KIR3DL2: variants seen among roughly 807,000 people sequenced by gnomAD.
KIR3DL2 encodes killer cell immunoglobulin-like receptor 3DL2.
Under a neutral mutation model 41.6 loss-of-function variants are expected in KIR3DL2, and 42 were observed. The ratio of observed to expected loss-of-function variants is 1.01; its 90% CI spans 0.79 to 1.31. The LOEUF is 1.31. Ranked by LOEUF, KIR3DL2 falls within the 50% of genes most tolerant of loss-of-function variation. KIR3DL2 has a pLI of 0.00. For missense variants in KIR3DL2, 728 were observed against 576.8 expected, an observed-to-expected ratio of 1.26 and a Z score of -2.68; for synonymous variants, 230 against 221.3, an observed-to-expected ratio of 1.04 and a Z score of -0.35.
chr19:54,856,034 G>T (rs991476279), intron 5 of KIR3DL2, 122 bp downstream of exon 5: 15 of 1,192,254 alleles, frequency 1.3e-5, no homozygotes, highest in South Asian at 1.3e-4. Flanking sequence ...TGGGTGTGAG[G>T]GGGGGGTCAG....
intron 4 of KIR3DL2, 71 bp from the exon 5 acceptor site, chr19:54,855,548 C>A (rs1338434023): frequency 1.4e-5 from 22 of 1,567,398 alleles, no homozygotes; most frequent in Non-Finnish European, 1.8e-5. Flanking sequence ...GGAGTGAGTT[C>A]TCAGCTCAGG....
intron 5 of KIR3DL2, among the ~76,000 whole-genome samples, chr19:54,856,575 T>C (rs1160245920): frequency 6.6e-6 from 1 of 151,890 alleles, no homozygotes; most frequent in Non-Finnish European, 1.5e-5. Flanking sequence ...TCCTAGCTAC[T>C]TGGGAGGCTG....
At chr19:54,855,578 A>G (rs2064680627) in intron 4 of KIR3DL2, 41 bp from the exon 5 acceptor site, 1 of 1,600,668 alleles carries the variant, frequency 6.2e-7, no homozygotes, top group South Asian at 1.1e-5. Context: ...AGCTGTGACA[A>G]GGAAGAACCT....
At position 54,850,505 on chromosome 19, in the gene KIR3DL2, C is replaced by G; in HGVS notation, c.30C>G (p.Cys10Trp). 1 of 1,603,620 alleles carries G rather than the reference C, an allele frequency of 6.2e-7. No homozygotes were observed. The highest frequency in any genetic ancestry group is 8.5e-7 in the Non-Finnish European group (1 of 1,177,470). Reference protein sequence around the residue: MSLTVVSMACVGFFLLQGAW... With the variant: MSLTVVSMAWVGFFLLQGAW... ...CGCTCACGGTCGTCAGCATGGCGTG[C>G]GTTGGTGAGTCCTGGAAGGGAATAG... Residue 10 changes from cysteine (C) to tryptophan (W), a missense_variant, in exon 1 of 9, where the codon TGC (cysteine) becomes TGG (tryptophan). Coordinates refer to ENST00000326321, the MANE Select transcript of KIR3DL2 (RefSeq NM_006737.4).
intron 6 of KIR3DL2, among the ~76,000 whole-genome samples, chr19:54,859,597 G>T (rs1442894897): frequency 6.6e-6 from 1 of 151,778 alleles, no homozygotes; most frequent in East Asian, 1.9e-4. Flanking sequence ...GCTCATGCAC[G>T]CACACTTCGA....
chr19:54,861,194 A>AT (rs1231747310), intron 6 of KIR3DL2, among the ~76,000 whole-genome samples: 1 of 142,082 alleles, frequency 7.0e-6, no homozygotes, highest in Non-Finnish European at 1.6e-5. Context: ...AGGTAGAATC[A>AT]TTGGCTGGAA....
chr19:54,866,003 T>A, intron 7 of KIR3DL2, 94 bp downstream of exon 7: 1 of 1,201,108 alleles, frequency 8.3e-7, no homozygotes, highest in Non-Finnish European at 1.2e-6. Flanking sequence ...GGCAGGATGG[T>A]CCCTGGCCCA....
chr19:54,855,462 C>T (rs1246740525), intron 4 of KIR3DL2, among the ~76,000 whole-genome samples, 157 bp from the exon 5 acceptor site: 13 of 150,716 alleles, frequency 8.6e-5, no homozygotes, highest in East Asian at 3.9e-4. Context: ...ACAGAGAAGG[C>T]GGAAGGAGGA....
intron 4 of KIR3DL2, among the ~76,000 whole-genome samples, chr19:54,855,140 T>TAG (rs1191637592): frequency 2.0e-5 from 3 of 149,222 alleles, no homozygotes; most frequent in Non-Finnish European, 4.5e-5. Context: ...AGAGAGGTAA[T>TAG]AGAGAGAGAG....
Position 54,865,814 on chromosome 19 carries a change from G to A in KIR3DL2, c.1010G>A (p.Arg337Lys), listed in dbSNP as rs2065465899. ...TCCCATCTTCCTCCAGGTATCTGCA[G>A]ACACCTGCATGTTCTGATTGGGACC... Reference protein sequence around the residue: ...TEPSSKSGICRHLHVLIGTSV... With the variant: ...TEPSSKSGICKHLHVLIGTSV... The change falls in exon 7 of 9, where the codon AGA (arginine) becomes AAA (lysine). Residue 337 changes from arginine (R) to lysine (K), a missense_variant. Physicochemically the swap from Arg to Lys is conservative, Grantham distance 26. Coordinates refer to ENST00000326321, the MANE Select transcript of KIR3DL2 (RefSeq NM_006737.4). The A allele has an allele frequency of 6.2e-7, 1 of 1,612,804 alleles. No homozygotes were observed. The highest frequency in any genetic ancestry group is 8.5e-7 in the Non-Finnish European group (1 of 1,179,008).
At chr19:54,856,084 C>T (rs1488644027) in intron 5 of KIR3DL2, among the ~76,000 whole-genome samples, 172 bp downstream of exon 5, 2 of 151,182 alleles carry the variant, frequency 1.3e-5, no homozygotes, top group African/African-American at 4.9e-5. Context: ...AACCCTCTTG[C>T]ATGGCCTGCA....
At chr19:54,859,447 A>T (rs2065019315) in intron 6 of KIR3DL2, among the ~76,000 whole-genome samples, 1 of 151,032 alleles carries the variant, frequency 6.6e-6, no homozygotes, top group African/African-American at 2.4e-5. Flanking sequence ...CGGGGGCTTG[A>T]GAGAGGGAAG....
intron 1 of KIR3DL2, 55 bp downstream of exon 1, chr19:54,850,564 A>T: frequency 6.3e-7 from 1 of 1,586,302 alleles, no homozygotes; most frequent in East Asian, 2.3e-5. Context: ...ATCTCGGCCT[A>T]GAGGTAAAGA....
chr19:54,862,396 G>T (rs1455359720), intron 6 of KIR3DL2, among the ~76,000 whole-genome samples: 2 of 152,052 alleles, frequency 1.3e-5, no homozygotes, highest in East Asian at 1.9e-4. Context: ...CTGCTGTACT[G>T]CACCTGGGCC....
In KIR3DL2 at chr19:54,854,023, AC is replaced by A. The variant is rs1313940189; in HGVS notation, c.637del (p.Leu213TrpfsTer4). Reference sequence around the variant, plus strand: ...CCCTATCAGTTGTCAGCTCCCAGTGACCCCCTGGACATCGTGATCACAGGTG... The same window carrying A: ...CCCTATCAGTTGTCAGCTCCCAGTGACCCCTGGACATCGTGATCACAGGTG... ...HSPYQLSAPSDPLDIVITGLY... is the reference protein window; with the variant it reads ...HSPYQLSAPSXPLDIVITGLY... On this transcript the variant is annotated frameshift_variant, in exon 4 of 9. Transcript: ENST00000326321. LOFTEE classifies it high-confidence loss of function. 4 of 1,612,660 alleles carry A rather than the reference AC, an allele frequency of 2.5e-6. No homozygotes were observed. Among genetic ancestry groups the A allele is most frequent in the Non-Finnish European group, 1.7e-6 (2 of 1,179,558 alleles).
intron 1 of KIR3DL2, 112 bp downstream of exon 1, chr19:54,850,621 TGGGTGTGGA>T (rs2064109013): frequency 6.9e-7 from 1 of 1,446,708 alleles, no homozygotes; most frequent in Admixed American, 1.9e-5. Context: ...GATATGGGCC[TGGGTGTGGA>T]GATATGGGCC....
Position 54,859,092 on chromosome 19 carries a change from T to C in KIR3DL2, c.963T>C (p.Ser321=). ...CCCGTGTTCTAGGAAACCCTTCAAG[T>C]AGTTGGCCTTCACCCACAGAACCAA... ...LLVSVTGNPS[S]SWPSPTEPSS... is the part of the protein sequence containing the mutation. Residue 321 remains serine (S), a synonymous_variant, in exon 6 of 9, where the codon AGT becomes AGC. Coordinates refer to ENST00000326321, the MANE Select transcript of KIR3DL2 (RefSeq NM_006737.4). 1.1e-5 allele frequency: 17 copies of C among 1,613,744 alleles called. No individual in the cohort carries two copies. In the South Asian group the frequency reaches 1.9e-4, roughly 18 times the overall value.
At chr19:54,853,033 C>T (rs151189039) in intron 3 of KIR3DL2, among the ~76,000 whole-genome samples, 13,409 of 128,620 alleles carry the variant, frequency 0.1, 3 homozygotes, top group South Asian at 0.19. Flanking sequence ...TCACTTGAAC[C>T]GGGGAGGCAG....
intron 3 of KIR3DL2, among the ~76,000 whole-genome samples, chr19:54,853,449 C>T (rs1213468003): frequency 6.6e-6 from 1 of 151,780 alleles, no homozygotes; most frequent in Non-Finnish European, 1.5e-5. Flanking sequence ...TGTCCTCTTC[C>T]ACCCCCACAT....
Sources: allele counts gnomAD v4.1 joint callset (sites outside exome capture counted in the v4.1 genomes callset), GRCh38; gene constraint gnomAD v4.1.1; transcripts MANE v1.5; gene names NCBI Gene and HGNC (gene_info 2026-07-23, HGNC 2026-07-21).